The following PPARGC1A variants were observed in gnomAD, a reference collection of about 807,000 sequenced individuals.
PPARGC1A encodes the protein PPARG coactivator 1 alpha.
In PPARGC1A, 25 loss-of-function variants were observed where a neutral mutation model predicts 88.7. The ratio of observed to expected loss-of-function variants is 0.28; its 90% confidence interval spans 0.21 to 0.39. The LOEUF is 0.39. Among genes scored for constraint, PPARGC1A ranks in the 10% least tolerant of loss-of-function variants. The pLI is 1.00. For synonymous variants in PPARGC1A, 363 were observed against 355.6 expected (o/e 1.02, Z -0.24); for missense variants, 880 against 968.7 (o/e 0.91, Z 1.22).
chr4:24,268,409 T>C, the PPARGC1A span, among the ~76,000 whole-genome samples: 1 of 152,178 alleles, frequency 6.6e-6, no homozygotes, highest in African/African-American at 2.4e-5. Context: ...TGCAAATGCA[T>C]GTTGCTGGTC....
chr4:24,414,444 C>T, the PPARGC1A span, among the ~76,000 whole-genome samples: 2 of 152,158 alleles, frequency 1.3e-5, no homozygotes, highest in African/African-American at 4.8e-5. Flanking sequence ...TAATTAGAGT[C>T]ACCGTACCTC....
chr4:23,964,937 C>T, the PPARGC1A span, among the ~76,000 whole-genome samples: 2 of 152,074 alleles, frequency 1.3e-5, no homozygotes, highest in Non-Finnish European at 2.9e-5. Flanking sequence ...CTTTAGGATA[C>T]CACTTACAAA....
chr4:24,137,300 C>T, the PPARGC1A span, among the ~76,000 whole-genome samples: 1 of 151,810 alleles, frequency 6.6e-6, no homozygotes, highest in African/African-American at 2.4e-5. Flanking sequence ...GAAAACAACC[C>T]TGCCAACACC....
chr4:23,940,543 A>G, the PPARGC1A span, among the ~76,000 whole-genome samples: 1 of 152,228 alleles, frequency 6.6e-6, no homozygotes, highest in Admixed American at 6.5e-5. Flanking sequence ...CAAATCACCA[A>G]ACAAAAAAGA....
chr4:24,239,711 G>A, the PPARGC1A span, among the ~76,000 whole-genome samples: 1 of 152,122 alleles, frequency 6.6e-6, no homozygotes, highest in Admixed American at 6.6e-5. Context: ...AAAAAAAAGT[G>A]TATATATATG....
the PPARGC1A span, among the ~76,000 whole-genome samples, chr4:24,375,497 C>T: frequency 6.6e-6 from 1 of 152,162 alleles, no homozygotes. Flanking sequence ...GTCACATTAA[C>T]TAGTTGAAGC....
chr4:24,075,409 T>G, the PPARGC1A span, among the ~76,000 whole-genome samples: 4 of 152,160 alleles, frequency 2.6e-5, no homozygotes, highest in East Asian at 1.9e-4. Flanking sequence ...TTCTCAAAAC[T>G]TTCATATCCA....
At chr4:24,342,461 C>T in the PPARGC1A span, among the ~76,000 whole-genome samples, 1 of 152,024 alleles carries the variant, frequency 6.6e-6, no homozygotes, top group African/African-American at 2.4e-5. Context: ...GAATGTGTTC[C>T]CTTATCTATT....
chr4:24,161,978 A>G, the PPARGC1A span, among the ~76,000 whole-genome samples: 2 of 142,946 alleles, frequency 1.4e-5, no homozygotes, highest in African/African-American at 5.5e-5. Context: ...ACACACACAC[A>G]CACACACACA....
the PPARGC1A span, among the ~76,000 whole-genome samples, chr4:24,012,968 C>T: frequency 2.0e-5 from 3 of 152,090 alleles, no homozygotes; most frequent in African/African-American, 7.2e-5. Flanking sequence ...ACCACAAGTA[C>T]ACAATTTATT....
chr4:23,926,415 T>C, the PPARGC1A span, among the ~76,000 whole-genome samples: 1 of 152,170 alleles, frequency 6.6e-6, no homozygotes, highest in Non-Finnish European at 1.5e-5. Flanking sequence ...GTCTCTTCCT[T>C]CCTTTCCATT....
the PPARGC1A span, among the ~76,000 whole-genome samples, chr4:24,350,296 C>T: frequency 6.6e-6 from 1 of 152,168 alleles, no homozygotes; most frequent in Non-Finnish European, 1.5e-5. Context: ...TGAGCCACGG[C>T]GCCCCCTGGG....
At chr4:24,446,018 A>C in the PPARGC1A span, among the ~76,000 whole-genome samples, 3 of 152,144 alleles carry the variant, frequency 2.0e-5, no homozygotes, top group African/African-American at 7.2e-5. Context: ...GTGAGCGGAG[A>C]TCACGTCATT....
At chr4:24,290,500 T>C in the PPARGC1A span, among the ~76,000 whole-genome samples, 2 of 152,096 alleles carry the variant, frequency 1.3e-5, no homozygotes, top group Non-Finnish European at 2.9e-5. Context: ...ATAATATCTA[T>C]CTCACTGGGT....
At chr4:24,328,426 T>C in the PPARGC1A span, among the ~76,000 whole-genome samples, 3 of 152,162 alleles carry the variant, frequency 2.0e-5, no homozygotes, top group Admixed American at 1.3e-4. Flanking sequence ...CATTTGATTG[T>C]AGGGAATGTC....
chr4:24,342,681 C>T, the PPARGC1A span, among the ~76,000 whole-genome samples: 1 of 152,146 alleles, frequency 6.6e-6, no homozygotes, highest in African/African-American at 2.4e-5. Context: ...AGCAAATGGG[C>T]AAAGTGATTA....
chr4:24,400,331 A>G, the PPARGC1A span, among the ~76,000 whole-genome samples: 1 of 152,292 alleles, frequency 6.6e-6, no homozygotes, highest in African/African-American at 2.4e-5. Flanking sequence ...TAAAGCAAGC[A>G]GGAAAATGTG....
At chr4:24,140,070 T>C in the PPARGC1A span, among the ~76,000 whole-genome samples, 7 of 152,030 alleles carry the variant, frequency 4.6e-5, no homozygotes, top group African/African-American at 1.4e-4. Flanking sequence ...CCAGAGGTCA[T>C]GGGGAGAGAG....
chr4:24,050,950 G>A, the PPARGC1A span, among the ~76,000 whole-genome samples: 1 of 152,078 alleles, frequency 6.6e-6, no homozygotes, highest in African/African-American at 2.4e-5. Flanking sequence ...CACTTTGGGA[G>A]GCCAAGGTGG....
Sources: gnomAD v4.1 joint callset for allele counts (sites outside exome capture counted in the v4.1 genomes callset) on GRCh38, gnomAD v4.1.1 for gene constraint, MANE v1.5 for transcripts, NCBI Gene and HGNC (gene_info 2026-07-23, HGNC 2026-07-21) for gene names.